GRK4: variants seen among roughly 807,000 people sequenced by gnomAD.
GRK4 encodes the protein G protein-coupled receptor kinase 2-like.
A neutral mutation model predicts 77.9 loss-of-function variants in GRK4; 73 were observed. The ratio of observed to expected loss-of-function variants is 0.94; its 90% CI spans 0.78 to 1.14. The LOEUF is 1.14. GRK4 is among the 50% of genes most tolerant of loss of function. The probability of loss-of-function intolerance (pLI) is 0.00; values close to 1 mark genes in which losing one functional copy is unlikely to be tolerated. For missense variants in GRK4, 729 were observed against 700.2 expected, an observed-to-expected ratio of 1.04 and a Z score of -0.46; for synonymous variants, 257 against 254.4, an observed-to-expected ratio of 1.01 and a Z score of -0.10.
intron 4 of GRK4, 137 bp from the exon 5 acceptor site, chr4:3,004,094 G>C (rs1020321283): frequency 3.1e-6 from 2 of 635,824 alleles, no homozygotes; most frequent in Non-Finnish European, 5.6e-6. Context: ...GTGGGACGGG[G>C]TGGAGGGTCC....
chr4:3,015,385 A>C (rs889288589), intron 8 of GRK4, among the ~76,000 whole-genome samples: 2 of 152,198 alleles, frequency 1.3e-5, no homozygotes, highest in Non-Finnish European at 2.9e-5. Context: ...CAGCATCTGA[A>C]TTTAATAGCA....
chr4:2,973,360 T>A (rs1720143826), intron 1 of GRK4, among the ~76,000 whole-genome samples: 1 of 152,162 alleles, frequency 6.6e-6, no homozygotes, highest in Non-Finnish European at 1.5e-5. Context: ...TCCCTTGTGA[T>A]CTTGTAGTAC....
chr4:3,003,729 T>G (rs559531669), intron 4 of GRK4, among the ~76,000 whole-genome samples: 2 of 152,178 alleles, frequency 1.3e-5, no homozygotes, highest in South Asian at 4.2e-4. Context: ...TGTGTGTGTT[T>G]TTTTGTTTGG....
rs1716425716 is a variant in GRK4, at chr4:2,963,704, C to T, written c.-367C>T. ...AGCCCCTGTCCGAAGTGAGCCACGG[C>T]ATTGACTCGGGGCTGCCCGGGGGCA... On this transcript the variant is annotated 5_prime_UTR_variant, in exon 1 of 16. Coordinates refer to ENST00000398052, the MANE Select transcript of GRK4 (RefSeq NM_182982.3). 7.8e-6 allele frequency: 3 copies of T among 384,366 alleles called. 1 individual carries two copies. Among genetic ancestry groups the T allele is most frequent in the African/African-American group, 4.3e-5 (2 of 46,718 alleles). 23.8% of individuals were successfully genotyped at this position (384,366 alleles called of 1,614,324 possible). A position where few individuals can be genotyped will look rare whatever the true frequency, so the allele number is the denominator to read the frequency against.
intron 5 of GRK4, among the ~76,000 whole-genome samples, chr4:3,007,215 C>A (rs942832414): frequency 6.6e-6 from 1 of 152,136 alleles, no homozygotes; most frequent in Admixed American, 6.6e-5. Flanking sequence ...ACAACAACAA[C>A]AAATAACAAA....
intron 1 of GRK4, among the ~76,000 whole-genome samples, chr4:2,973,182 G>A (rs775057600): frequency 4.6e-5 from 7 of 152,246 alleles, no homozygotes; most frequent in Admixed American, 6.5e-5. Flanking sequence ...CTGCACTGAC[G>A]TGGCACGTCA....
intron 2 of GRK4, chr4:2,987,136 A>T: frequency 1.9e-6 from 1 of 518,598 alleles, no homozygotes; most frequent in African/African-American, 1.9e-5. Context: ...CTACCTCCAG[A>T]GCTAGACAAC....
Position 3,028,052 on chromosome 4 carries a change from T to A in GRK4, c.1060+51T>A. On this transcript the variant is annotated intron_variant, in intron 11 of 15. Transcript: ENST00000398052. ...TGTCCTTTCTATCCGGGTGCCTGAG[T>A]GCCTCAGAACACAGAGAAATCCACC... The A allele has an allele frequency of 3.9e-6, 6 of 1,531,624 alleles. 2 individuals are homozygous for A. In the South Asian group the frequency reaches 5.6e-5, roughly 14 times the overall value. 94.9% of individuals were successfully genotyped at this position (1,531,624 alleles called of 1,614,324 possible). A position where few individuals can be genotyped will look rare whatever the true frequency, so the allele number is the denominator to read the frequency against.
At chr4:2,992,133 C>T (rs1328363029) in intron 3 of GRK4, 82 bp from the exon 4 acceptor site, 32 of 899,998 alleles carry the variant, frequency 3.6e-5, no homozygotes, top group Non-Finnish European at 5.1e-5. Context: ...CCAACCTCAG[C>T]GTCCCAAGTG....
intron 10 of GRK4, among the ~76,000 whole-genome samples, chr4:3,026,183 G>C (rs1187603854): frequency 1.3e-5 from 2 of 152,204 alleles, no homozygotes; most frequent in Non-Finnish European, 2.9e-5. Context: ...GATATTGCCA[G>C]ATTCCGCTCC....
chr4:3,010,756 G>A (rs1038112753), intron 7 of GRK4, among the ~76,000 whole-genome samples: 1 of 152,198 alleles, frequency 6.6e-6, no homozygotes, highest in Non-Finnish European at 1.5e-5. Context: ...CTGCCCGGGT[G>A]TGACTCAGAT....
intron 1 of GRK4, among the ~76,000 whole-genome samples, chr4:2,967,061 A>C (rs1427020170): frequency 2.6e-5 from 4 of 152,192 alleles, no homozygotes; most frequent in Non-Finnish European, 5.9e-5. Context: ...TTTATAAAAG[A>C]AACTAGAGAG....
intron 3 of GRK4, among the ~76,000 whole-genome samples, chr4:2,990,498 C>T (rs956387031): frequency 1.3e-5 from 2 of 152,128 alleles, no homozygotes; most frequent in African/African-American, 4.8e-5. Flanking sequence ...CTCAGGTGAT[C>T]TGCCCGTCTC....
chr4:2,995,443 C>G (rs1727532884), intron 4 of GRK4, among the ~76,000 whole-genome samples: 1 of 144,500 alleles, frequency 6.9e-6, no homozygotes, highest in South Asian at 2.2e-4. Flanking sequence ...CCGAGGCGGG[C>G]AGATCACCTG....
intron 2 of GRK4, among the ~76,000 whole-genome samples, chr4:2,986,140 C>A (rs139992095): frequency 6.6e-6 from 1 of 151,938 alleles, no homozygotes. Flanking sequence ...TATCAATTTA[C>A]CTTTCTGTCA....
At position 3,029,220 on chromosome 4, in the gene GRK4, T is replaced by C. The variant is rs773175205; in HGVS notation, c.1080T>C (p.Asn360=). The C allele has an allele frequency of 2.0e-5, 33 of 1,612,546 alleles. No homozygotes were observed. The highest frequency in any genetic ancestry group is 2.7e-5 in the Non-Finnish European group (32 of 1,178,958). ...VGYMAPEVVN[N]EKYTFSPDWW... ...ATGTAGCACCTGAAGTTGTCAATAATGAAAAGTATACGTTTAGTCCCGATT... is the reference window on the plus strand; with the variant it reads ...ATGTAGCACCTGAAGTTGTCAATAACGAAAAGTATACGTTTAGTCCCGATT... Residue 360 remains asparagine, a synonymous_variant, in exon 12 of 16, where the codon AAT becomes AAC. Transcript: ENST00000398052.
At chr4:3,039,715 A>T (rs1383669164) in intron 15 of GRK4, among the ~76,000 whole-genome samples, 3 of 151,678 alleles carry the variant, frequency 2.0e-5, no homozygotes, top group African/African-American at 7.3e-5. Context: ...AAAAAAAAAA[A>T]AAGGAAAAAA....
In GRK4 at chr4:3,001,089, A is replaced by ATATATGTGTGTGTGTG; in HGVS notation, c.340-3141_340-3140insATATGTGTGTGTGTGT. Reference sequence around the variant, plus strand: ...TAAATGAGACTATATATATATATATATGTGTGTGTGTGTGTGTATATATAT... The same window carrying ATATATGTGTGTGTGTG: ...TAAATGAGACTATATATATATATATATATATGTGTGTGTGTGTGTGTGTGTGTGTGTGTATATATAT... On this transcript the variant is annotated intron_variant, in intron 4 of 15. Coordinates refer to ENST00000398052, the MANE Select transcript of GRK4 (RefSeq NM_182982.3). Among the ~76,000 whole-genome samples, 26 of 82,428 alleles carry ATATATGTGTGTGTGTG rather than the reference A, an allele frequency of 3.2e-4. 3 individuals carry two copies. Among genetic ancestry groups the ATATATGTGTGTGTGTG allele is most frequent in the Non-Finnish European group, 4.2e-4 (17 of 40,046 alleles). The allele number at this position is 82,428 out of a possible 152,430, so 54.1% of individuals were successfully genotyped here.
At chr4:2,981,438 G>A (rs942499832) in intron 1 of GRK4, among the ~76,000 whole-genome samples, 12 of 152,230 alleles carry the variant, frequency 7.9e-5, no homozygotes, top group African/African-American at 2.9e-4. Context: ...CTTTCTGCAG[G>A]CAGATCATCC....
Sources: gnomAD v4.1 joint callset for allele counts (sites outside exome capture counted in the v4.1 genomes callset) on GRCh38, gnomAD v4.1.1 for gene constraint, MANE v1.5 for transcripts, NCBI Gene and HGNC (gene_info 2026-07-23, HGNC 2026-07-21) for gene names.